Variants in STK32B observed in about 807,000 individuals in gnomAD.
The protein encoded by STK32B is serine/threonine-protein kinase 32B.
In STK32B, 43 loss-of-function variants were observed where a neutral mutation model predicts 52.6. The observed-to-expected ratio is 0.82, with a 90% CI of 0.64 to 1.05. STK32B has a LOEUF of 1.05. Among genes scored for constraint, STK32B ranks in the 50% least tolerant of loss-of-function variants. STK32B has a pLI of 0.00. For synonymous variants in STK32B, 238 were observed against 204.3 expected (o/e 1.17, Z -1.41); for missense variants, 621 against 534.6 (o/e 1.16, Z -1.59).
chr4:5,258,660 T>C (rs6446346), intron 3 of STK32B, among the ~76,000 whole-genome samples: 26,951 of 152,022 alleles, frequency 0.18, 5,108 homozygotes, highest in African/African-American at 0.47. Flanking sequence ...CAGGATCCAG[T>C]CACTTCTCAG....
At chr4:5,098,365 A>G (rs1168373795) in intron 1 of STK32B, among the ~76,000 whole-genome samples, 1 of 152,138 alleles carries the variant, frequency 6.6e-6, no homozygotes, top group Non-Finnish European at 1.5e-5. Flanking sequence ...GGGGCTAATC[A>G]CCACCCCAGC....
At chr4:5,437,697 A>C (rs4689236) in intron 6 of STK32B, among the ~76,000 whole-genome samples, 39,502 of 152,118 alleles carry the variant, frequency 0.26, 5,832 homozygotes, top group East Asian at 0.67. Context: ...TGAAGATCAT[A>C]GTAGCATTTA....
intron 6 of STK32B, among the ~76,000 whole-genome samples, chr4:5,421,822 C>T (rs754732209): frequency 2.0e-5 from 3 of 152,198 alleles, no homozygotes; most frequent in Admixed American, 6.5e-5. Flanking sequence ...ATTCACATGA[C>T]GTTTCTACAT....
chr4:5,191,391 C>T (rs1026672670), intron 3 of STK32B, among the ~76,000 whole-genome samples: 1 of 152,048 alleles, frequency 6.6e-6, no homozygotes, highest in East Asian at 1.9e-4. Flanking sequence ...GCTGGGATTA[C>T]AGGCGCACAC....
rs552539351 is a variant in STK32B, at chr4:5,090,694, G to A, written c.52+38779G>A. 2.0e-5 allele frequency among the ~76,000 whole-genome samples: 3 copies of A among 152,168 alleles called. No individual in the cohort carries two copies. The East Asian group carries it at 5.8e-4, about 29-fold the overall frequency. ...CCATCTTGAGTTAATTTTTGTATAA[G>A]GTGTAAGGAAGGGGTCCAGTTTCCA... On this transcript the variant is annotated intron_variant, in intron 1 of 11. Coordinates refer to ENST00000282908, the MANE Select transcript of STK32B (RefSeq NM_018401.3).
chr4:5,392,883 A>G (rs1412654870), intron 4 of STK32B, among the ~76,000 whole-genome samples: 2 of 152,252 alleles, frequency 1.3e-5, no homozygotes, highest in East Asian at 1.9e-4. Flanking sequence ...CAGGACTGCT[A>G]TTAACACTGA....
intron 6 of STK32B, among the ~76,000 whole-genome samples, chr4:5,428,659 A>C (rs1161376427): frequency 6.6e-6 from 1 of 152,172 alleles, no homozygotes; most frequent in Non-Finnish European, 1.5e-5. Context: ...CAATTAGGTC[A>C]AGTTATTTGA....
At chr4:5,102,306 A>G (rs553380301) in intron 1 of STK32B, among the ~76,000 whole-genome samples, 16 of 152,282 alleles carry the variant, frequency 1.1e-4, no homozygotes, top group African/African-American at 3.6e-4. Flanking sequence ...CTGAGAGGTG[A>G]ACAAGCTCCT....
chr4:5,445,817 C>G (rs1004520552), intron 6 of STK32B, among the ~76,000 whole-genome samples: 1 of 151,868 alleles, frequency 6.6e-6, no homozygotes, highest in Non-Finnish European at 1.5e-5. Context: ...AGGAGGTGCA[C>G]CCACCCTCCC....
At chr4:5,062,604 G>T (rs1391947613) in intron 1 of STK32B, among the ~76,000 whole-genome samples, 1 of 152,060 alleles carries the variant, frequency 6.6e-6, no homozygotes, top group African/African-American at 2.4e-5. Context: ...CGCCTCCCAG[G>T]TTCACGCCAT....
chr4:5,101,663 A>T (rs964396736), intron 1 of STK32B, among the ~76,000 whole-genome samples: 1 of 151,674 alleles, frequency 6.6e-6, no homozygotes, highest in African/African-American at 2.4e-5. Flanking sequence ...TTTCTTTGCT[A>T]TTTTTTTTAA....
chr4:5,243,306 T>C (rs1725178433), intron 3 of STK32B, among the ~76,000 whole-genome samples: 1 of 152,200 alleles, frequency 6.6e-6, no homozygotes, highest in African/African-American at 2.4e-5. Context: ...CCCTTGTAAG[T>C]TGGATTCCTA....
chr4:5,091,163 G>T (rs1252374371), intron 1 of STK32B, among the ~76,000 whole-genome samples: 3 of 152,030 alleles, frequency 2.0e-5, no homozygotes, highest in African/African-American at 7.2e-5. Flanking sequence ...TTCACCTTGG[G>T]CAAGTGCTTC....
At chr4:5,194,094 C>T (rs183259884) in intron 3 of STK32B, among the ~76,000 whole-genome samples, 1 of 152,328 alleles carries the variant, frequency 6.6e-6, no homozygotes, top group Non-Finnish European at 1.5e-5. Flanking sequence ...CCTTCTCCCT[C>T]TCTCACTTGC....
At chr4:5,281,895 CAT>C (rs1207702372) in intron 3 of STK32B, among the ~76,000 whole-genome samples, 1 of 152,132 alleles carries the variant, frequency 6.6e-6, no homozygotes, top group Middle Eastern at 3.4e-3. Flanking sequence ...ATCACAGATA[CAT>C]ATGTTACATA....
chr4:5,426,107 A>T (rs1713067764), intron 6 of STK32B, among the ~76,000 whole-genome samples: 1 of 152,158 alleles, frequency 6.6e-6, no homozygotes, highest in African/African-American at 2.4e-5. Context: ...ATTTCTCTGG[A>T]ATAATTACCT....
intron 1 of STK32B, among the ~76,000 whole-genome samples, chr4:5,096,249 C>T (rs948803007): frequency 2.0e-5 from 3 of 152,166 alleles, no homozygotes; most frequent in African/African-American, 7.2e-5. Flanking sequence ...TTTCAGACAG[C>T]TAGGATGAAG....
At chr4:5,211,415 A>T (rs1304468261) in intron 3 of STK32B, among the ~76,000 whole-genome samples, 1 of 152,126 alleles carries the variant, frequency 6.6e-6, no homozygotes, top group African/African-American at 2.4e-5. Flanking sequence ...GGGGAGAAAT[A>T]GCAGTATCAG....
chr4:5,386,888 A>G lies in STK32B; in HGVS notation c.435-11319A>G, dbSNP rs905195833. On this transcript the variant is annotated intron_variant, in intron 4 of 11. Coordinates refer to ENST00000282908, the MANE Select transcript of STK32B (RefSeq NM_018401.3). The surrounding 1 kb of genome is among the most constrained non-coding windows in gnomAD (Gnocchi z 4.5). Reference sequence around the variant, plus strand: ...GATCTTTCCCGCATTGTCCTCAGAAAGCTGGATGAGGAACATGAGGCCGTG... The same window carrying G: ...GATCTTTCCCGCATTGTCCTCAGAAGGCTGGATGAGGAACATGAGGCCGTG... 1.5e-4 allele frequency among the ~76,000 whole-genome samples: 23 copies of G among 152,196 alleles called. No individual in the cohort carries two copies. Among genetic ancestry groups the G allele is most frequent in the African/African-American group, 5.5e-4 (23 of 41,452 alleles).
Sources: gnomAD v4.1 joint callset for allele counts (sites outside exome capture counted in the v4.1 genomes callset) on GRCh38, gnomAD v4.1.1 for gene constraint, Gnocchi (gnomAD v3.1) non-coding constraint, MANE v1.5 for transcripts, NCBI Gene and HGNC (gene_info 2026-07-23, HGNC 2026-07-21) for gene names.